FAM186A: variants seen among roughly 807,000 people sequenced by gnomAD.
FAM186A encodes family with sequence similarity 186 member A, also known as protein FAM186A.
FAM186A carries 163 observed loss-of-function variants against 216.8 expected under a neutral mutation model. The ratio of observed to expected loss-of-function variants is 0.75; its 90% confidence interval spans 0.66 to 0.86. The LOEUF is 0.86. Among genes scored for constraint, FAM186A ranks in the 40% least tolerant of loss-of-function variants. The probability of loss-of-function intolerance (pLI) is 0.00; values close to 1 mark genes in which losing one functional copy is unlikely to be tolerated. For missense variants in FAM186A, 2,184 were observed against 2,746.2 expected, an observed-to-expected ratio of 0.80 and a Z score of 4.58; for synonymous variants, 805 against 1,025.3, an observed-to-expected ratio of 0.79 and a Z score of 4.10.
intron 4 of FAM186A, among the ~76,000 whole-genome samples, chr12:50,349,312 G>A (rs776079106): frequency 6.6e-6 from 1 of 150,712 alleles, no homozygotes; most frequent in Non-Finnish European, 1.5e-5. Flanking sequence ...CCTGGGGCTT[G>A]AGTGATCCTC....
At chr12:50,390,774 A>G (rs977992193) in intron 1 of FAM186A, among the ~76,000 whole-genome samples, 12 of 152,046 alleles carry the variant, frequency 7.9e-5, no homozygotes, top group Non-Finnish European at 1.6e-4. Context: ...TTCTCATACT[A>G]TTGGTGAAAG....
intron 3 of FAM186A, among the ~76,000 whole-genome samples, chr12:50,360,352 T>C (rs1353054585): frequency 6.6e-6 from 1 of 151,624 alleles, no homozygotes; most frequent in East Asian, 1.9e-4. Flanking sequence ...CATTTAATTG[T>C]ACACTTAACA....
intron 6 of FAM186A, among the ~76,000 whole-genome samples, chr12:50,331,015 G>A (rs1323738412): frequency 3.9e-5 from 6 of 151,926 alleles, no homozygotes; most frequent in African/African-American, 1.5e-4. Flanking sequence ...GGCGTAGAGA[G>A]ACCACATAAC....
chr12:50,363,496 T>C lies in FAM186A; in HGVS notation c.193-132A>G, dbSNP rs969622887. ...AAAGTCTTGCTAATTCTAGCTTTTA[T>C]TGTGAGTCTCAAATTTTCCCTCTTA... On this transcript the variant is annotated intron_variant, in intron 1 of 7. Coordinates refer to ENST00000327337, the MANE Select transcript of FAM186A (RefSeq NM_001145475.3). The C allele has an allele frequency of 8.7e-6, 7 of 807,038 alleles. No individual in the cohort carries two copies. In the East Asian group the frequency reaches 1.6e-4, roughly 19 times the overall value. 50.0% of individuals were successfully genotyped at this position (807,038 alleles called of 1,614,324 possible). A position where few individuals can be genotyped will look rare whatever the true frequency, so the allele number is the denominator to read the frequency against.
chr12:50,334,201 G>T, intron 4 of FAM186A, 98 bp from the exon 5 acceptor site: 1 of 1,078,336 alleles, frequency 9.3e-7, no homozygotes, highest in Non-Finnish European at 1.3e-6. Flanking sequence ...ACGGAGTTTC[G>T]ATCTTGTTGC....
At chr12:50,357,060 A>C (rs1442284601) in intron 3 of FAM186A, among the ~76,000 whole-genome samples, 1 of 152,150 alleles carries the variant, frequency 6.6e-6, no homozygotes, top group Non-Finnish European at 1.5e-5. Context: ...ATAAAATAAA[A>C]TAAAAGATGT....
chr12:50,382,526 C>T (rs1186064038), intron 1 of FAM186A, among the ~76,000 whole-genome samples: 1 of 151,844 alleles, frequency 6.6e-6, no homozygotes, highest in Non-Finnish European at 1.5e-5. Flanking sequence ...ATGGTGAAAC[C>T]CTTTCTCTAC....
At chr12:50,356,964 A>C (rs1015513906) in intron 3 of FAM186A, among the ~76,000 whole-genome samples, 3 of 152,128 alleles carry the variant, frequency 2.0e-5, no homozygotes, top group Non-Finnish European at 4.4e-5. Flanking sequence ...GCGCCACTGC[A>C]CTCAAGCCTG....
intron 4 of FAM186A, among the ~76,000 whole-genome samples, chr12:50,347,839 C>T (rs1230319160): frequency 1.3e-5 from 2 of 152,118 alleles, no homozygotes; most frequent in African/African-American, 4.8e-5. Context: ...GTCACCCCAA[C>T]AGCAAATTTG....
At position 50,354,874 on chromosome 12, in the gene FAM186A, G is replaced by T. The variant is rs1229166287; in HGVS notation, c.1958C>A (p.Ser653Tyr). ...ATCTGGACTTTCTAGAACTCTGGTA[G>T]ATTCTGAAGTCTCTTTAGCCACTCT... Reference protein sequence around the residue: ...LSRVAKETSESTRVLESPDGK... With the variant: ...LSRVAKETSEYTRVLESPDGK... Residue 653 changes from serine to tyrosine, a missense_variant, in exon 4 of 8, where the codon TCT (serine) becomes TAT (tyrosine). Transcript: ENST00000327337. The T allele has an allele frequency of 3.9e-6, 6 of 1,549,836 alleles. No homozygotes were observed. In the South Asian group the frequency reaches 6.0e-5, roughly 15 times the overall value.
At chr12:50,370,795 T>TTA (rs1035641338) in intron 1 of FAM186A, among the ~76,000 whole-genome samples, 1 of 151,828 alleles carries the variant, frequency 6.6e-6, no homozygotes, top group African/African-American at 2.4e-5. Context: ...TGGTATATAT[T>TTA]TATATATATA....
chr12:50,347,135 C>T (rs1194734390), intron 4 of FAM186A, among the ~76,000 whole-genome samples: 1 of 152,120 alleles, frequency 6.6e-6, no homozygotes, highest in African/African-American at 2.4e-5. Flanking sequence ...TCACTTGTTG[C>T]TCATACTACG....
chr12:50,356,999 AACATACAT>A (rs71749786), intron 3 of FAM186A, among the ~76,000 whole-genome samples: 5,893 of 149,962 alleles, frequency 0.039, 146 homozygotes, highest in East Asian at 0.065. Context: ...ACTTCGTCTC[AACATACAT>A]ACATACATAC....
chr12:50,388,316 T>G (rs1200287626), intron 1 of FAM186A, among the ~76,000 whole-genome samples: 1 of 152,024 alleles, frequency 6.6e-6, no homozygotes, highest in Non-Finnish European at 1.5e-5. Context: ...AATAACAGGG[T>G]CAAGGTTTAT....
At chr12:50,379,362 C>T (rs1349331383) in intron 1 of FAM186A, among the ~76,000 whole-genome samples, 2 of 149,384 alleles carry the variant, frequency 1.3e-5, no homozygotes, top group Admixed American at 1.4e-4. Flanking sequence ...ATGGCATGAA[C>T]CCAGGAGGCG....
At chr12:50,331,124 G>T (rs1358490180) in intron 6 of FAM186A, among the ~76,000 whole-genome samples, 8 of 152,022 alleles carry the variant, frequency 5.3e-5, no homozygotes, top group African/African-American at 9.7e-5. Flanking sequence ...ATTCTTAAAA[G>T]AATTTGTTTT....
chr12:50,396,414 ATGG>A lies in FAM186A; in HGVS notation c.68_70del (p.Thr23del), dbSNP rs1225355273. ...GATATTTTGGGGCTCTCTTCTCATG[ATGG>A]TGGAATCCTTGATGCATTTTTCTGA... On this transcript the variant is annotated inframe_deletion, in exon 1 of 8. Coordinates refer to ENST00000327337, the MANE Select transcript of FAM186A (RefSeq NM_001145475.3). The A allele has an allele frequency of 4.5e-6, 7 of 1,551,472 alleles. No individual in the cohort carries two copies. Among genetic ancestry groups the A allele is most frequent in the Non-Finnish European group, 5.2e-6 (6 of 1,146,988 alleles).
intron 1 of FAM186A, 105 bp downstream of exon 1, chr12:50,396,188 A>T: frequency 3.7e-6 from 4 of 1,086,940 alleles, no homozygotes; most frequent in Non-Finnish European, 5.1e-6. Context: ...CCCTAAATAC[A>T]GTCAAATATC....
rs1047232335 is a variant in FAM186A, at chr12:50,360,790, G to T, written c.549C>A (p.Phe183Leu). 3 of 1,541,106 alleles carry T rather than the reference G, an allele frequency of 1.9e-6. No individual in the cohort carries two copies. In the African/African-American group the frequency reaches 4.1e-5, roughly 21 times the overall value. The change falls in exon 3 of 8, where the codon TTC (phenylalanine) becomes TTA (leucine). Residue 183 changes from phenylalanine to leucine, a missense_variant. By Grantham distance (22) the Phe-to-Leu change is conservative. This residue lies in a region of FAM186A where 1,132 missense variants were observed against 1,263.4 expected (regional missense o/e 0.90). Transcript: ENST00000327337. ...VKILSRFSTS[F>L]LDEKKKQKKK... ...TCTTTTGTTTCTTCTTTTCGTCGAG[G>T]AAAGATGTACTAAATCTGCTTAGTA... is the stretch of plus-strand genomic sequence containing the variant.
Sources: allele counts gnomAD v4.1 joint callset (sites outside exome capture counted in the v4.1 genomes callset), GRCh38; gene constraint gnomAD v4.1.1; regional missense constraint gnomAD v4.1.1; transcripts MANE v1.5; gene names NCBI Gene and HGNC (gene_info 2026-07-23, HGNC 2026-07-21).